The following PCSK2 variants were observed in gnomAD, a reference collection of about 807,000 sequenced individuals.
The protein encoded by PCSK2 is neuroendocrine convertase 2.
A neutral mutation model predicts 69.7 loss-of-function variants in PCSK2; 14 were observed. That is an observed-to-expected ratio of 0.20 (90% confidence interval 0.13 to 0.31). PCSK2 has a LOEUF of 0.31. PCSK2 is among the 10% of genes least tolerant of loss of function. The probability of loss-of-function intolerance (pLI) is 1.00; values close to 1 mark genes in which losing one functional copy is unlikely to be tolerated. For missense variants in PCSK2, 544 were observed against 842.5 expected, an observed-to-expected ratio of 0.65 and a Z score of 4.39; for synonymous variants, 307 against 320.7, an observed-to-expected ratio of 0.96 and a Z score of 0.46.
intron 8 of PCSK2, among the ~76,000 whole-genome samples, chr20:17,451,703 C>T (rs115661596): frequency 0.01 from 1,563 of 152,244 alleles, 22 homozygotes; most frequent in African/African-American, 0.035. Flanking sequence ...GTGCACAGGG[C>T]ATAAATACAG....
At chr20:17,446,724 T>G (rs2032705428) in intron 8 of PCSK2, among the ~76,000 whole-genome samples, 1 of 152,194 alleles carries the variant, frequency 6.6e-6, no homozygotes, top group Non-Finnish European at 1.5e-5. Flanking sequence ...GAACTACGAG[T>G]GCAGAAAGGC....
intron 2 of PCSK2, among the ~76,000 whole-genome samples, chr20:17,324,600 C>G (rs930355580): frequency 3.3e-5 from 5 of 152,154 alleles, no homozygotes; most frequent in Non-Finnish European, 5.9e-5. Context: ...TGGTCCTGAT[C>G]ACCCTCTTCC....
chr20:17,476,747 G>A (rs572257441), intron 11 of PCSK2, among the ~76,000 whole-genome samples: 1 of 152,310 alleles, frequency 6.6e-6, no homozygotes, highest in African/African-American at 2.4e-5. Flanking sequence ...TCCACTGCTG[G>A]GCTAGAGCCC....
At chr20:17,424,037 C>T (rs1053951523) in intron 6 of PCSK2, among the ~76,000 whole-genome samples, 1 of 152,162 alleles carries the variant, frequency 6.6e-6, no homozygotes, top group African/African-American at 2.4e-5. Flanking sequence ...GTTTTAAATC[C>T]TACAAGAAGA....
intron 10 of PCSK2, among the ~76,000 whole-genome samples, chr20:17,460,895 A>G (rs1000401467): frequency 7.2e-5 from 11 of 152,208 alleles, no homozygotes; most frequent in Non-Finnish European, 1.2e-4. Flanking sequence ...CATAATTTAC[A>G]TTTACATCCT....
At chr20:17,446,801 T>A (rs2032706696) in intron 8 of PCSK2, among the ~76,000 whole-genome samples, 1 of 152,220 alleles carries the variant, frequency 6.6e-6, no homozygotes, top group Non-Finnish European at 1.5e-5. Context: ...AATTCATATT[T>A]TAATAACAGA....
At chr20:17,276,576 G>C (rs1221248024) in intron 2 of PCSK2, among the ~76,000 whole-genome samples, 1 of 151,856 alleles carries the variant, frequency 6.6e-6, no homozygotes, top group Non-Finnish European at 1.5e-5. Context: ...GAGTCCTTAA[G>C]TACTATTTAC....
chr20:17,247,395 A>G (rs1334499249), intron 1 of PCSK2, among the ~76,000 whole-genome samples: 2 of 152,218 alleles, frequency 1.3e-5, no homozygotes, highest in Non-Finnish European at 2.9e-5. Flanking sequence ...ATCCTTGGTG[A>G]TTGTTTCGTC....
intron 2 of PCSK2, among the ~76,000 whole-genome samples, chr20:17,270,701 A>T (rs1987827548): frequency 6.6e-6 from 1 of 152,166 alleles, no homozygotes. Flanking sequence ...TTTAAGGACA[A>T]CTTAGAGAAT....
rs76415618 is a variant in PCSK2, at chr20:17,397,938, C to T, written c.544-11325C>T. Among the ~76,000 whole-genome samples the T allele has an allele frequency of 2.6e-3, 391 of 152,276 alleles. 2 individuals are homozygous for T. The highest frequency in any genetic ancestry group is 8.9e-3 in the African/African-American group (370 of 41,542). On this transcript the variant is annotated intron_variant, in intron 5 of 11. Coordinates refer to ENST00000262545, the MANE Select transcript of PCSK2 (RefSeq NM_002594.5). ...AGAGAGAACTTCAGTCTGAGACATG[C>T]CAAGGAGTTCTTGACGCTCCCAAAA...
chr20:17,315,822 C>G (rs2123120653), intron 2 of PCSK2, among the ~76,000 whole-genome samples: 1 of 152,310 alleles, frequency 6.6e-6, no homozygotes, highest in South Asian at 2.1e-4. Context: ...GTCATTCTGT[C>G]CCGGTGCTTC....
At position 17,243,158 on chromosome 20, in the gene PCSK2, T is replaced by G. The variant is rs147877142; in HGVS notation, c.177+15676T>G. On this transcript the variant is annotated intron_variant, in intron 1 of 11. Transcript: ENST00000262545. ...AATAAAAATAAATAAATAAAAGTCATGTACTCTATATTTCATTTCCAATGA... is the reference window on the plus strand; with the variant it reads ...AATAAAAATAAATAAATAAAAGTCAGGTACTCTATATTTCATTTCCAATGA... Among the ~76,000 whole-genome samples the G allele has an allele frequency of 6.3e-3, 955 of 152,332 alleles. 3 individuals carry two copies. The highest frequency in any genetic ancestry group is 0.024 in the Middle Eastern group (7 of 294).
intron 5 of PCSK2, among the ~76,000 whole-genome samples, chr20:17,373,895 C>T (rs747583136): frequency 2.0e-5 from 3 of 152,172 alleles, no homozygotes; most frequent in Non-Finnish European, 4.4e-5. Context: ...AGGATAATAA[C>T]GGCCACTTGG....
chr20:17,309,857 A>AGAAGGG (rs1387823091), intron 2 of PCSK2, among the ~76,000 whole-genome samples: 13 of 127,708 alleles, frequency 1.0e-4, no homozygotes, highest in East Asian at 2.5e-4. Context: ...AGGAAGAAGA[A>AGAAGGG]GAAGGGGAAG....
In PCSK2 at chr20:17,235,007, T is replaced by C. The variant is rs79129412; in HGVS notation, c.177+7525T>C. On this transcript the variant is annotated intron_variant, in intron 1 of 11. Transcript: ENST00000262545. Reference sequence around the variant, plus strand: ...TTAAGGTGTATTTATTTAGCTAAAGTCCACAAGTGATTAAGAAGTCAAGAA... The same window carrying C: ...TTAAGGTGTATTTATTTAGCTAAAGCCCACAAGTGATTAAGAAGTCAAGAA... Among the ~76,000 whole-genome samples the C allele has an allele frequency of 4.3e-3, 649 of 152,278 alleles. 8 individuals are homozygous for C. Among genetic ancestry groups the C allele is most frequent in the Middle Eastern group, 0.017 (5 of 294 alleles).
At chr20:17,378,024 G>A (rs1343900913) in intron 5 of PCSK2, among the ~76,000 whole-genome samples, 1 of 152,140 alleles carries the variant, frequency 6.6e-6, no homozygotes, top group Admixed American at 6.5e-5. Context: ...TTCCCACTGT[G>A]CAAAATGCTA....
At chr20:17,355,700 G>A (rs1178383069) in intron 2 of PCSK2, among the ~76,000 whole-genome samples, 3 of 147,492 alleles carry the variant, frequency 2.0e-5, no homozygotes, top group Non-Finnish European at 4.5e-5. Context: ...GGAATATGCT[G>A]CAAAAATCTC....
chr20:17,440,830 C>T (rs1203784230), intron 8 of PCSK2, among the ~76,000 whole-genome samples: 2 of 150,442 alleles, frequency 1.3e-5, no homozygotes, highest in East Asian at 3.9e-4. Flanking sequence ...CCATTGCACT[C>T]CAGTCTGGGC....
At position 17,435,466 on chromosome 20, in the gene PCSK2, T is replaced by C. The variant is rs538626373; in HGVS notation, c.710-1242T>C. Among the ~76,000 whole-genome samples the C allele has an allele frequency of 4.6e-5, 7 of 152,292 alleles. No homozygotes were observed. In the South Asian group the frequency reaches 1.5e-3, roughly 32 times the overall value. On this transcript the variant is annotated intron_variant, in intron 7 of 11. Coordinates refer to ENST00000262545, the MANE Select transcript of PCSK2 (RefSeq NM_002594.5). Reference sequence around the variant, plus strand: ...CGAGTCTCCTGAGGACTGAAAGTAGTAGTCCCTCAGGAAAGAAAGCAATTT... The same window carrying C: ...CGAGTCTCCTGAGGACTGAAAGTAGCAGTCCCTCAGGAAAGAAAGCAATTT...
Sources: allele counts gnomAD v4.1 joint callset (sites outside exome capture counted in the v4.1 genomes callset), GRCh38; gene constraint gnomAD v4.1.1; transcripts MANE v1.5; gene names NCBI Gene and HGNC (gene_info 2026-07-23, HGNC 2026-07-21).